BBS9: variants seen among roughly 807,000 people sequenced by gnomAD.
BBS9 encodes the protein Bardet-Biedl syndrome 9, also known as protein PTHB1.
BBS9 carries 89 observed loss-of-function variants against 117.7 expected under a neutral mutation model. The ratio of observed to expected loss-of-function variants is 0.76; its 90% confidence interval spans 0.64 to 0.90. The LOEUF (loss-of-function observed/expected upper bound fraction) is 0.90. Among genes scored for constraint, BBS9 ranks in the 40% least tolerant of loss-of-function variants. The pLI is 0.00. For missense variants in BBS9, 982 were observed against 1,042.2 expected (o/e 0.94, Z 0.80); for synonymous variants, 379 against 370.9 (o/e 1.02, Z -0.25).
chr7:33,231,691 A>G (rs921589821), intron 5 of BBS9, among the ~76,000 whole-genome samples: 6 of 152,060 alleles, frequency 3.9e-5, no homozygotes, highest in African/African-American at 1.4e-4. Flanking sequence ...TGCTTGGGAA[A>G]TCCGAATTAG....
intron 21 of BBS9, among the ~76,000 whole-genome samples, chr7:33,565,781 GTATATATATATATATATA>G (rs70989957): frequency 0.023 from 1,482 of 65,600 alleles, 41 homozygotes; most frequent in African/African-American, 0.052. Flanking sequence ...GCTATCAGTA[GTATATATATATATATATA>G]TATATATATA....
intron 9 of BBS9, among the ~76,000 whole-genome samples, chr7:33,277,429 G>T (rs1800974424): frequency 6.6e-6 from 1 of 152,150 alleles, no homozygotes; most frequent in Admixed American, 6.6e-5. Context: ...ATATTTTCCT[G>T]CAGACAGCTG....
At position 33,618,459 on chromosome 7, in the gene BBS9, G is replaced by A. The variant is rs968021630; in HGVS notation, c.2522-16718G>A. On this transcript the variant is annotated intron_variant, in intron 21 of 21. Coordinates refer to the BBS9 transcript ENST00000671952. ...AGACTACATTAATACCATCATGGTG[G>A]TGCATAAATCACTTTGACCTCTAGT... 7.2e-5 allele frequency among the ~76,000 whole-genome samples: 11 copies of A among 152,226 alleles called. No homozygotes were observed. The South Asian group carries it at 1.7e-3, about 23-fold the overall frequency.
intron 5 of BBS9, among the ~76,000 whole-genome samples, chr7:33,256,170 AAAAC>A (rs1272095320): frequency 6.6e-5 from 10 of 152,248 alleles, no homozygotes; most frequent in African/African-American, 1.2e-4. Flanking sequence ...ACAAACAAAA[AAAAC>A]AAACAAAAAA....
intron 6 of BBS9, among the ~76,000 whole-genome samples, chr7:33,262,694 G>A (rs1480386540): frequency 6.6e-6 from 1 of 152,120 alleles, no homozygotes; most frequent in Non-Finnish European, 1.5e-5. Flanking sequence ...ATTCCTCCCT[G>A]TCATGCATCT....
At chr7:33,565,523 G>A (rs1295679146) in intron 21 of BBS9, among the ~76,000 whole-genome samples, 1 of 151,868 alleles carries the variant, frequency 6.6e-6, no homozygotes, top group Non-Finnish European at 1.5e-5. Flanking sequence ...ATTTTCTTTT[G>A]TTGTTTATCT....
intron 5 of BBS9, among the ~76,000 whole-genome samples, chr7:33,204,866 C>T (rs1786614751): frequency 6.6e-6 from 1 of 152,202 alleles, no homozygotes; most frequent in African/African-American, 2.4e-5. Context: ...ATAATCATAA[C>T]TTCCTCTCTC....
intron 21 of BBS9, among the ~76,000 whole-genome samples, chr7:33,554,751 T>C (rs1419705753): frequency 1.3e-5 from 2 of 152,174 alleles, no homozygotes; most frequent in Non-Finnish European, 2.9e-5. Context: ...CAGCAGTCTA[T>C]ATATGGTATT....
chr7:33,270,560 G>A (rs910114265), intron 7 of BBS9, among the ~76,000 whole-genome samples: 15 of 152,152 alleles, frequency 9.9e-5, no homozygotes, highest in African/African-American at 2.2e-4. Context: ...ACAAGAATTC[G>A]TAATGTAATC....
intron 4 of BBS9, among the ~76,000 whole-genome samples, chr7:33,161,174 G>A (rs1389013140): frequency 2.0e-5 from 3 of 152,032 alleles, no homozygotes; most frequent in Non-Finnish European, 4.4e-5. Flanking sequence ...ACAACGTGCA[G>A]GTTTGTTACA....
chr7:33,521,534 T>A (rs73107620), intron 20 of BBS9, among the ~76,000 whole-genome samples: 18,299 of 152,188 alleles, frequency 0.12, 1,169 homozygotes, highest in African/African-American at 0.16. Flanking sequence ...TAAAAAGGAA[T>A]GGTACTGGGG....
intron 17 of BBS9, among the ~76,000 whole-genome samples, chr7:33,382,078 A>C (rs1457021134): frequency 2.0e-5 from 3 of 152,222 alleles, no homozygotes; most frequent in African/African-American, 7.2e-5. Flanking sequence ...TTGTACTCCC[A>C]GTGTGTCTCT....
intron 19 of BBS9, among the ~76,000 whole-genome samples, chr7:33,436,054 TG>T (rs1425530725): frequency 1.3e-5 from 2 of 152,174 alleles, no homozygotes; most frequent in Admixed American, 1.3e-4. Context: ...TAGTCTTTTT[TG>T]TAAAGTGCCG....
intron 19 of BBS9, among the ~76,000 whole-genome samples, chr7:33,421,171 G>T (rs142862754): frequency 1.3e-5 from 2 of 150,972 alleles, no homozygotes; most frequent in Non-Finnish European, 2.9e-5. Flanking sequence ...ATTTGGTGAG[G>T]ATTTTTAATT....
chr7:33,547,159 T>C (rs770271837), intron 21 of BBS9, among the ~76,000 whole-genome samples: 25 of 152,302 alleles, frequency 1.6e-4, no homozygotes, highest in Middle Eastern at 3.4e-3. Context: ...AAGAGGACTC[T>C]GTAGGGAGCA....
chr7:33,159,721 T>G (rs1297216064), intron 4 of BBS9, among the ~76,000 whole-genome samples: 1 of 152,224 alleles, frequency 6.6e-6, no homozygotes, highest in Non-Finnish European at 1.5e-5. Flanking sequence ...GTCACACATC[T>G]TTTTAAGCTC....
chr7:33,437,915 C>G (rs138266907), intron 19 of BBS9, among the ~76,000 whole-genome samples: 130 of 152,210 alleles, frequency 8.5e-4, no homozygotes, highest in Non-Finnish European at 1.4e-3. Context: ...TTTTGTACAG[C>G]TGTTTTGAAC....
intron 21 of BBS9, among the ~76,000 whole-genome samples, chr7:33,536,034 T>G: frequency 6.6e-6 from 1 of 152,176 alleles, no homozygotes; most frequent in Middle Eastern, 3.4e-3. Context: ...TTAAAACCTC[T>G]GTGCAAAGTT....
intron 19 of BBS9, among the ~76,000 whole-genome samples, chr7:33,393,058 C>G (rs1827328987): frequency 6.6e-6 from 1 of 152,036 alleles, no homozygotes. Context: ...CTCAGCTACT[C>G]AGGAGGCTGA....
Sources: gnomAD v4.1 joint callset for allele counts (sites outside exome capture counted in the v4.1 genomes callset) on GRCh38, gnomAD v4.1.1 for gene constraint, MANE v1.5 for transcripts, NCBI Gene and HGNC (gene_info 2026-07-23, HGNC 2026-07-21) for gene names.